Variants in LOXL2 observed in about 807,000 individuals in gnomAD.
LOXL2 encodes lysyl oxidase like 2, also known as lysyl oxidase homolog 2.
In LOXL2, 70 loss-of-function variants were observed where a neutral mutation model predicts 93.0. That is an observed-to-expected ratio of 0.75 (90% CI 0.62 to 0.92). The LOEUF is 0.92. Among genes scored for constraint, LOXL2 ranks in the 40% least tolerant of loss-of-function variants. The pLI is 0.00. For missense variants in LOXL2, 973 were observed against 1,054.9 expected (o/e 0.92, Z 1.08); for synonymous variants, 438 against 413.2 (o/e 1.06, Z -0.73).
chr8:23,347,678 A>C (rs1466900200), intron 3 of LOXL2, among the ~76,000 whole-genome samples: 1 of 152,060 alleles, frequency 6.6e-6, no homozygotes, highest in Non-Finnish European at 1.5e-5. Context: ...AAATAATAAA[A>C]ACAAAACAGG....
At chr8:23,333,665 C>A in intron 4 of LOXL2, 42 bp from the exon 5 acceptor site, 2 of 1,502,744 alleles carry the variant, frequency 1.3e-6, no homozygotes, top group Non-Finnish European at 1.8e-6. Context: ...GGCATCATGA[C>A]GCCTACCCCG....
At chr8:23,358,726 G>A (rs1462107974) in intron 3 of LOXL2, among the ~76,000 whole-genome samples, 2 of 152,198 alleles carry the variant, frequency 1.3e-5, no homozygotes, top group Admixed American at 1.3e-4. Context: ...ATTTTCAAAT[G>A]CTGAAATTAT....
At chr8:23,340,058 G>A (rs138608308) in intron 4 of LOXL2, among the ~76,000 whole-genome samples, 2 of 152,336 alleles carry the variant, frequency 1.3e-5, no homozygotes, top group South Asian at 2.1e-4. Flanking sequence ...AGACAGTGCT[G>A]TGAGTCTGCA....
chr8:23,297,909 C>G lies in LOXL2; in HGVS notation c.*134G>C, dbSNP rs1467773183. On this transcript the variant is annotated 3_prime_UTR_variant, in exon 14 of 14. Coordinates refer to ENST00000389131, the MANE Select transcript of LOXL2 (RefSeq NM_002318.3). ...CCTTTCCTCCTGAGCTTAGACACAG[C>G]TGTAGGGGTCTGGACAGGGTGGGGG... The G allele has an allele frequency of 1.5e-6, 1 of 678,210 alleles. No homozygotes were observed. Among genetic ancestry groups the G allele is most frequent in the Non-Finnish European group, 2.6e-6 (1 of 381,714 alleles). 42.0% of individuals were successfully genotyped at this position (678,210 alleles called of 1,614,324 possible).
chr8:23,319,845 A>C, intron 8 of LOXL2, 40 bp downstream of exon 8: 1 of 1,600,330 alleles, frequency 6.2e-7, no homozygotes, highest in Middle Eastern at 1.7e-4. Context: ...GTCAGACTGC[A>C]TGGGGGGTGA....
At chr8:23,390,571 C>T (rs1437773329) in intron 1 of LOXL2, among the ~76,000 whole-genome samples, 2 of 152,204 alleles carry the variant, frequency 1.3e-5, no homozygotes, top group Admixed American at 6.5e-5. Context: ...TCCCCGCAGC[C>T]CACCGCTGGC....
At chr8:23,375,166 C>A (rs1000472226) in intron 1 of LOXL2, among the ~76,000 whole-genome samples, 1 of 152,124 alleles carries the variant, frequency 6.6e-6, no homozygotes, top group Non-Finnish European at 1.5e-5. Flanking sequence ...CTACATATGG[C>A]TAGCCAGTTT....
At chr8:23,336,427 G>A (rs1304841703) in intron 4 of LOXL2, 3 of 152,272 alleles carry the variant, frequency 2.0e-5, no homozygotes, top group Non-Finnish European at 4.4e-5. Flanking sequence ...GGCCCACGGA[G>A]GGTGGAAGAC....
At chr8:23,402,779 GAAAA>G (rs1016084670) in intron 1 of LOXL2, 2 of 138,602 alleles carry the variant, frequency 1.4e-5, no homozygotes, top group Non-Finnish European at 1.6e-5. Context: ...TCCTCTGGGA[GAAAA>G]AAAAAAAAAG....
Position 23,323,301 on chromosome 8 carries a change from G to C in LOXL2, c.1151-1020C>G, listed in dbSNP as rs561562691. On this transcript the variant is annotated intron_variant, in intron 6 of 13. Transcript: ENST00000389131. Reference sequence around the variant, plus strand: ...CATGGGCACAGAGACAGTCAGGAGAGAAAACCCTATGTTAGGAAAGAGCAG... The same window carrying C: ...CATGGGCACAGAGACAGTCAGGAGACAAAACCCTATGTTAGGAAAGAGCAG... Among the ~76,000 whole-genome samples the C allele has an allele frequency of 5.9e-5, 9 of 152,330 alleles. 1 individual carries two copies. The South Asian group carries it at 1.9e-3, about 32-fold the overall frequency.
chr8:23,346,137 T>TAAATAAA (rs1803973196), intron 3 of LOXL2, among the ~76,000 whole-genome samples: 1 of 75,742 alleles, frequency 1.3e-5, no homozygotes, highest in Non-Finnish European at 2.5e-5. Context: ...TAAAATAAAA[T>TAAATAAA]AAAATAAATA....
chr8:23,316,069 G>T (rs1362082350), intron 9 of LOXL2, among the ~76,000 whole-genome samples: 4 of 152,206 alleles, frequency 2.6e-5, no homozygotes, highest in Non-Finnish European at 5.9e-5. Flanking sequence ...GTCCTGCTTT[G>T]CAAGGGCTAG....
At chr8:23,376,935 C>T (rs1331970264) in intron 1 of LOXL2, among the ~76,000 whole-genome samples, 4 of 152,052 alleles carry the variant, frequency 2.6e-5, no homozygotes, top group African/African-American at 4.8e-5. Flanking sequence ...GTGTCTCTAT[C>T]TCCTTCAGTT....
chr8:23,340,441 C>A (rs1165322903), intron 4 of LOXL2, among the ~76,000 whole-genome samples: 1 of 152,140 alleles, frequency 6.6e-6, no homozygotes, highest in Admixed American at 6.6e-5. Flanking sequence ...ACTTCTTTCC[C>A]CTACTGGGAA....
At chr8:23,352,640 C>T (rs1191097812) in intron 3 of LOXL2, among the ~76,000 whole-genome samples, 2 of 151,990 alleles carry the variant, frequency 1.3e-5, no homozygotes, top group South Asian at 2.1e-4. Context: ...AAACCTGGAC[C>T]CAAGGCATTT....
chr8:23,300,756 A>G (rs926620087), intron 12 of LOXL2, among the ~76,000 whole-genome samples: 4 of 152,204 alleles, frequency 2.6e-5, no homozygotes, highest in Non-Finnish European at 4.4e-5. Flanking sequence ...AAATCAAACA[A>G]TGCATTCCCC....
In LOXL2 at chr8:23,299,495, G is replaced by A. The variant is rs535895373; in HGVS notation, c.2134-548C>T. On this transcript the variant is annotated intron_variant, in intron 12 of 13. Transcript: ENST00000389131. Reference sequence around the variant, plus strand: ...AGGGCCTGGCTCTGGGGCTGCTGGAGAAGTTGCACCCTCTCCCCATCCTTC... The same window carrying A: ...AGGGCCTGGCTCTGGGGCTGCTGGAAAAGTTGCACCCTCTCCCCATCCTTC... Among the ~76,000 whole-genome samples, 3 of 152,264 alleles carry A rather than the reference G, an allele frequency of 2.0e-5. No individual in the cohort carries two copies. In the East Asian group the frequency reaches 5.8e-4, roughly 29 times the overall value.
chr8:23,311,436 C>T (rs920589827), intron 9 of LOXL2, among the ~76,000 whole-genome samples: 4 of 152,198 alleles, frequency 2.6e-5, no homozygotes, highest in Non-Finnish European at 2.9e-5. Flanking sequence ...GTTCTGGGCA[C>T]GCTTATTTTT....
At chr8:23,354,517 C>T (rs1323231719) in intron 3 of LOXL2, among the ~76,000 whole-genome samples, 2 of 152,042 alleles carry the variant, frequency 1.3e-5, no homozygotes, top group African/African-American at 4.8e-5. Context: ...AAGTCAAGGC[C>T]ATCAGGGGCT....
Sources: allele counts gnomAD v4.1 joint callset (sites outside exome capture counted in the v4.1 genomes callset), GRCh38; gene constraint gnomAD v4.1.1; transcripts MANE v1.5; gene names NCBI Gene and HGNC (gene_info 2026-07-23, HGNC 2026-07-21).